FMO3: variants seen among roughly 807,000 people sequenced by gnomAD.
FMO3 encodes flavin containing dimethylaniline monoxygenase 3, also known as flavin-containing monooxygenase 3.
FMO3 carries 40 observed loss-of-function variants against 39.4 expected under a neutral mutation model. The ratio of observed to expected loss-of-function variants is 1.02; its 90% CI spans 0.79 to 1.32. FMO3 has a LOEUF of 1.32. FMO3 is among the 40% of genes most tolerant of loss of function. FMO3 has a pLI of 0.00. For synonymous variants in FMO3, 219 were observed against 228.8 expected (o/e 0.96, Z 0.39); for missense variants, 680 against 651.8 (o/e 1.04, Z -0.47).
At chr1:171,112,619 A>G (rs549538347) in intron 6 of FMO3, among the ~76,000 whole-genome samples, 1 of 152,322 alleles carries the variant, frequency 6.6e-6, no homozygotes, top group South Asian at 2.1e-4. Context: ...AAACTGCAGG[A>G]GGAACAGAAG....
intron 2 of FMO3, among the ~76,000 whole-genome samples, chr1:171,093,383 ACTTT>A (rs1654803641): frequency 6.6e-6 from 1 of 151,930 alleles, no homozygotes; most frequent in Admixed American, 6.6e-5. Flanking sequence ...GTGGTATTTC[ACTTT>A]CTGTTTCTGA....
chr1:171,115,323 C>A (rs565265609), intron 7 of FMO3, among the ~76,000 whole-genome samples: 2 of 152,030 alleles, frequency 1.3e-5, no homozygotes, highest in African/African-American at 2.4e-5. Context: ...ACCAGAGTAC[C>A]AAGACAAGAG....
intron 2 of FMO3, among the ~76,000 whole-genome samples, chr1:171,096,065 T>TA (rs1480182588): frequency 2.0e-5 from 1 of 51,064 alleles, no homozygotes; most frequent in Admixed American, 4.3e-4. Context: ...TAATATATAT[T>TA]ATATATTAAT....
chr1:171,107,978 G>A, intron 4 of FMO3, 101 bp from the exon 5 acceptor site: 1 of 1,411,298 alleles, frequency 7.1e-7, no homozygotes, highest in East Asian at 2.3e-5. Context: ...TGTTAAAATA[G>A]CACATTATTG....
At chr1:171,108,311 G>T in intron 5 of FMO3, 90 bp downstream of exon 5, 1 of 1,476,690 alleles carries the variant, frequency 6.8e-7, no homozygotes, top group Non-Finnish European at 9.4e-7. Context: ...TGGGGGAGGA[G>T]GGAAGGGTAT....
intron 3 of FMO3, among the ~76,000 whole-genome samples, chr1:171,105,574 C>T (rs1025264417): frequency 6.6e-6 from 1 of 151,848 alleles, no homozygotes; most frequent in African/African-American, 2.4e-5. Flanking sequence ...TTTTAATGAT[C>T]GCCATTCTAA....
At chr1:171,099,480 G>A (rs1263487804) in intron 2 of FMO3, among the ~76,000 whole-genome samples, 32 of 151,880 alleles carry the variant, frequency 2.1e-4, no homozygotes, top group Non-Finnish European at 1.8e-4. Flanking sequence ...GTTTCTTTGT[G>A]GCCAAACTTA....
chr1:171,102,892 T>C (rs1655470556), intron 2 of FMO3, among the ~76,000 whole-genome samples: 1 of 152,186 alleles, frequency 6.6e-6, no homozygotes, highest in African/African-American at 2.4e-5. Flanking sequence ...AGCTAAAACT[T>C]TGTTACTTAC....
At chr1:171,096,073 A>ATATAGT (rs1557933390) in intron 2 of FMO3, among the ~76,000 whole-genome samples, 1 of 60,994 alleles carries the variant, frequency 1.6e-5, no homozygotes, top group African/African-American at 7.3e-5. Flanking sequence ...ATTATATATT[A>ATATAGT]ATATATAATA....
chr1:171,107,593 C>G, intron 3 of FMO3, 82 bp from the exon 4 acceptor site: 1 of 1,070,420 alleles, frequency 9.3e-7, no homozygotes, highest in Non-Finnish European at 1.4e-6. Context: ...TTTTCTTAAC[C>G]CACTTTTCTT....
chr1:171,095,082 G>A (rs993050416), intron 2 of FMO3, among the ~76,000 whole-genome samples: 60 of 152,132 alleles, frequency 3.9e-4, no homozygotes, highest in African/African-American at 1.4e-3. Flanking sequence ...ATTTGTGTCA[G>A]CTACAATTTC....
At chr1:171,113,727 A>C in intron 6 of FMO3, among the ~76,000 whole-genome samples, 1 of 152,326 alleles carries the variant, frequency 6.6e-6, no homozygotes, top group South Asian at 2.1e-4. Flanking sequence ...AACAGGCTTT[A>C]ACAGGGAACT....
chr1:171,113,912 G>A, intron 6 of FMO3, 95 bp from the exon 7 acceptor site: 1 of 865,146 alleles, frequency 1.2e-6, no homozygotes. Context: ...AAAAAATCTT[G>A]GGTCATTTTT....
At chr1:171,109,873 A>G (rs1354649471) in intron 5 of FMO3, among the ~76,000 whole-genome samples, 2 of 152,106 alleles carry the variant, frequency 1.3e-5, no homozygotes, top group African/African-American at 2.4e-5. Context: ...AGTTCCTCTT[A>G]TAACAAATGC....
chr1:171,117,312 G>A lies in FMO3; in HGVS notation c.1469G>A (p.Trp490Ter). ...GCCAGAAATGCCATACTGACCCAGT[G>A]GGACCGGTCGTTGAAACCCATGCAG... is the stretch of plus-strand genomic sequence containing the variant. ...PGARNAILTQ[W>*]DRSLKPMQTR... Residue 490 changes from tryptophan to a stop codon, truncating the protein, a stop_gained, in exon 9 of 9, where the codon TGG (tryptophan) becomes TAG (stop). Transcript: ENST00000367755. LOFTEE classifies it low-confidence loss of function (END_TRUNC). 6.2e-7 allele frequency: 1 copy of A among 1,614,066 alleles called. No individual in the cohort carries two copies. The highest frequency in any genetic ancestry group is 8.5e-7 in the Non-Finnish European group (1 of 1,179,940).
chr1:171,093,553 A>G (rs1000147962), intron 2 of FMO3, among the ~76,000 whole-genome samples: 1 of 151,740 alleles, frequency 6.6e-6, no homozygotes, highest in African/African-American at 2.4e-5. Context: ...ACATATATGT[A>G]TGTATATACC....
At position 171,115,253 on chromosome 1, in the gene FMO3, A is replaced by G. The variant is rs531679805; in HGVS notation, c.1183+891A>G. Reference sequence around the variant, plus strand: ...GGCAATTTATGGGGAAAATTGATGTACACGGCACAGGCTCTCTTAAGGGAA... The same window carrying G: ...GGCAATTTATGGGGAAAATTGATGTGCACGGCACAGGCTCTCTTAAGGGAA... On this transcript the variant is annotated intron_variant, in intron 7 of 8. Transcript: ENST00000367755. Among the ~76,000 whole-genome samples, 4 of 152,342 alleles carry G rather than the reference A, an allele frequency of 2.6e-5. No homozygotes were observed. In the South Asian group the frequency reaches 6.2e-4, roughly 24 times the overall value.
At position 171,108,061 on chromosome 1, in the gene FMO3, TTC is replaced by T; in HGVS notation, c.485-15_485-14del. The T allele has an allele frequency of 1.2e-6, 2 of 1,613,544 alleles. No individual in the cohort carries two copies. The highest frequency in any genetic ancestry group is 2.2e-5 in the South Asian group (2 of 91,060). On this transcript the variant is annotated splice_polypyrimidine_tract_variant and intron_variant, in intron 4 of 8. Transcript: ENST00000367755. The stretch of plus-strand genomic sequence containing the variant: ...ATATATGACTCAAACTGCCATGTAT[TTC>T]TCACTTTTCACTCAGGACTAAACCA...
At chr1:171,101,768 A>G (rs1655406121) in intron 2 of FMO3, 1 of 515,326 alleles carries the variant, frequency 1.9e-6, no homozygotes, top group Non-Finnish European at 4.0e-6. Flanking sequence ...ATCACAGGCC[A>G]CATTTCTGAA....
Sources: allele counts gnomAD v4.1 joint callset (sites outside exome capture counted in the v4.1 genomes callset), GRCh38; gene constraint gnomAD v4.1.1; transcripts MANE v1.5; gene names NCBI Gene and HGNC (gene_info 2026-07-23, HGNC 2026-07-21).